DOCK10: variants seen among roughly 807,000 people sequenced by gnomAD.
DOCK10 encodes the protein dedicator of cytokinesis protein 10.
In DOCK10, 145 loss-of-function variants were observed where a neutral mutation model predicts 280.1. The observed-to-expected ratio is 0.52, with a 90% confidence interval of 0.45 to 0.59. The LOEUF is 0.59. DOCK10 is among the 20% of genes least tolerant of loss of function. The probability of loss-of-function intolerance (pLI) is 0.00; values close to 1 mark genes in which losing one functional copy is unlikely to be tolerated. For synonymous variants in DOCK10, 915 were observed against 942.2 expected, an observed-to-expected ratio of 0.97 and a Z score of 0.53; for missense variants, 2,368 against 2,651.7, an observed-to-expected ratio of 0.89 and a Z score of 2.35.
chr2:224,958,482 A>T lies in DOCK10; in HGVS notation c.124-26814T>A, dbSNP rs1704183910. On this transcript the variant is annotated intron_variant, in intron 1 of 55. Coordinates refer to ENST00000258390, the MANE Select transcript of DOCK10 (RefSeq NM_014689.3). ...TTAAACAGCCTCTCTTCCCCTGCAC[A>T]CTCACTCCTTCCACAACTGACCTCT... Among the ~76,000 whole-genome samples, 2 of 150,252 alleles carry T rather than the reference A, an allele frequency of 1.3e-5. 1 individual carries two copies. The highest frequency in any genetic ancestry group is 4.2e-4 in the South Asian group (2 of 4,710).
intron 27 of DOCK10, among the ~76,000 whole-genome samples, chr2:224,829,350 A>C (rs1695072356): frequency 6.6e-6 from 1 of 152,202 alleles, no homozygotes; most frequent in Non-Finnish European, 1.5e-5. Context: ...CATTTGGAGT[A>C]AGCTTGCACG....
At chr2:224,808,158 C>A in intron 31 of DOCK10, 72 bp from the exon 32 acceptor site, 1 of 1,348,004 alleles carries the variant, frequency 7.4e-7, no homozygotes. Context: ...ACAGATATAC[C>A]AAACAACTAC....
chr2:224,804,320 G>T, intron 38 of DOCK10, 107 bp from the exon 39 acceptor site: 1 of 619,592 alleles, frequency 1.6e-6, no homozygotes, highest in Non-Finnish European at 2.8e-6. Context: ...TATTTCACAT[G>T]CTGTGAATTA....
intron 27 of DOCK10, among the ~76,000 whole-genome samples, chr2:224,830,061 T>C (rs1215723114): frequency 6.6e-6 from 1 of 152,224 alleles, no homozygotes; most frequent in African/African-American, 2.4e-5. Flanking sequence ...CCAGCATTCA[T>C]GCCAAGGCTA....
chr2:224,900,109 C>T (rs1243558167), intron 3 of DOCK10, among the ~76,000 whole-genome samples: 3 of 152,144 alleles, frequency 2.0e-5, no homozygotes, highest in African/African-American at 7.2e-5. Context: ...ACTGCCCTTT[C>T]TTGCTATTGA....
intron 21 of DOCK10, 30 bp downstream of exon 21, chr2:224,845,173 T>C: frequency 6.4e-7 from 1 of 1,551,782 alleles, no homozygotes; most frequent in Non-Finnish European, 8.7e-7. Flanking sequence ...TGTGCTTTTT[T>C]AAAATCTTAA....
chr2:225,012,870 C>T (rs566509144), intron 1 of DOCK10, among the ~76,000 whole-genome samples: 3 of 152,096 alleles, frequency 2.0e-5, no homozygotes, highest in African/African-American at 7.2e-5. Context: ...GCCACAGAGG[C>T]TAATATTCAT....
intron 1 of DOCK10, among the ~76,000 whole-genome samples, chr2:225,011,947 T>C (rs1689451136): frequency 6.6e-6 from 1 of 152,086 alleles, no homozygotes; most frequent in African/African-American, 2.4e-5. Flanking sequence ...AAAAACGAGC[T>C]CACATGTACT....
At chr2:224,943,746 A>AT (rs1005335384) in intron 1 of DOCK10, among the ~76,000 whole-genome samples, 3 of 131,232 alleles carry the variant, frequency 2.3e-5, no homozygotes, top group African/African-American at 2.8e-5. Context: ...TTGGTTTAAG[A>AT]TTTTTTTTTC....
At chr2:224,854,875 C>G (rs1697001592) in intron 16 of DOCK10, 88 bp downstream of exon 16, 1 of 1,003,590 alleles carries the variant, frequency 1.0e-6, no homozygotes, top group African/African-American at 1.7e-5. Context: ...AACCAACCAA[C>G]CAACCAACCA....
Position 224,766,168 on chromosome 2 carries a change from G to T in DOCK10, c.6445-331C>A, listed in dbSNP as rs138313079. ...TTTATAATTTATATTGTCAGCATCT[G>T]CCAAAAAAGGGAAACATTAGAAATT... On this transcript the variant is annotated intron_variant, in intron 55 of 55. Coordinates refer to ENST00000258390, the MANE Select transcript of DOCK10 (RefSeq NM_014689.3). Among the ~76,000 whole-genome samples, 866 of 151,974 alleles carry T rather than the reference G, an allele frequency of 5.7e-3. 11 individuals are homozygous for T. The highest frequency in any genetic ancestry group is 0.019 in the African/African-American group (792 of 41,456).
At chr2:225,001,661 G>T (rs1316504710) in intron 1 of DOCK10, among the ~76,000 whole-genome samples, 1 of 152,172 alleles carries the variant, frequency 6.6e-6, no homozygotes, top group South Asian at 2.1e-4. Context: ...GTCCATGCAG[G>T]CTGCTATAAT....
chr2:224,886,884 C>CA (rs1699319163), intron 4 of DOCK10, among the ~76,000 whole-genome samples: 1 of 139,458 alleles, frequency 7.2e-6, no homozygotes, highest in Non-Finnish European at 1.5e-5. Context: ...GCAGCACCCC[C>CA]AACACCCCCC....
intron 40 of DOCK10, among the ~76,000 whole-genome samples, chr2:224,801,303 A>AAC (rs55750850): frequency 2.1e-4 from 30 of 146,148 alleles, no homozygotes; most frequent in African/African-American, 7.0e-4. Flanking sequence ...AAAAAAAAAA[A>AAC]CATATTTGGG....
At chr2:224,822,449 C>T (rs936446898) in intron 28 of DOCK10, among the ~76,000 whole-genome samples, 1 of 152,002 alleles carries the variant, frequency 6.6e-6, no homozygotes, top group Non-Finnish European at 1.5e-5. Context: ...TAAAAAACAG[C>T]GTGGGTCAAC....
intron 3 of DOCK10, among the ~76,000 whole-genome samples, chr2:224,908,427 G>T (rs1319279448): frequency 9.9e-6 from 1 of 101,358 alleles, no homozygotes; most frequent in African/African-American, 3.6e-5. Context: ...GTGTGTGTGT[G>T]TGTGTGTGTG....
At chr2:224,885,206 G>A (rs1279811825) in intron 7 of DOCK10, among the ~76,000 whole-genome samples, 1 of 152,082 alleles carries the variant, frequency 6.6e-6, no homozygotes, top group Non-Finnish European at 1.5e-5. Context: ...CACCATGTTG[G>A]CCTAGCTAGT....
chr2:224,947,960 T>A (rs1387663473), intron 1 of DOCK10, among the ~76,000 whole-genome samples: 1 of 152,228 alleles, frequency 6.6e-6, no homozygotes, highest in Admixed American at 6.5e-5. Context: ...TTATTATGCT[T>A]AACAATGAAC....
At chr2:224,870,034 T>C (rs1698168016) in intron 11 of DOCK10, among the ~76,000 whole-genome samples, 1 of 152,228 alleles carries the variant, frequency 6.6e-6, no homozygotes, top group Admixed American at 6.5e-5. Flanking sequence ...TCTTAAATTG[T>C]AGTTCTCATA....
Sources: allele counts gnomAD v4.1 joint callset (sites outside exome capture counted in the v4.1 genomes callset), GRCh38; gene constraint gnomAD v4.1.1; transcripts MANE v1.5; gene names NCBI Gene and HGNC (gene_info 2026-07-23, HGNC 2026-07-21).